PAG1: variants seen among roughly 807,000 people sequenced by gnomAD.
PAG1 encodes phosphoprotein membrane anchor with glycosphingolipid microdomains 1, also known as phosphoprotein associated with glycosphingolipid-enriched microdomains 1.
A neutral mutation model predicts 31.7 loss-of-function variants in PAG1; 23 were observed. The observed-to-expected ratio is 0.73, with a 90% confidence interval of 0.52 to 1.03. The LOEUF (loss-of-function observed/expected upper bound fraction) is 1.03, where lower values mean the gene tolerates loss of function less well. Ranked by LOEUF, PAG1 falls within the 50% of genes least tolerant of loss-of-function variation. The pLI is 0.00. For missense variants in PAG1, 473 were observed against 540.7 expected (o/e 0.87, Z 1.24); for synonymous variants, 214 against 210.3 (o/e 1.02, Z -0.15).
chr8:80,977,385 G>A (rs1226658041), intron 8 of PAG1, among the ~76,000 whole-genome samples: 1 of 152,156 alleles, frequency 6.6e-6, no homozygotes, highest in African/African-American at 2.4e-5. Context: ...AAGTTCTCAG[G>A]CCTCATCCCA....
intron 2 of PAG1, among the ~76,000 whole-genome samples, chr8:81,067,037 C>T (rs1175751389): frequency 1.3e-5 from 2 of 152,134 alleles, no homozygotes; most frequent in Non-Finnish European, 2.9e-5. Context: ...TGGCACGTGC[C>T]TGTATTCCTA....
At chr8:81,063,928 T>C (rs1808961188) in intron 2 of PAG1, among the ~76,000 whole-genome samples, 1 of 152,162 alleles carries the variant, frequency 6.6e-6, no homozygotes. Flanking sequence ...GCAGGATTTA[T>C]AGTAAGTACC....
At chr8:81,104,161 A>G (rs986009723) in intron 1 of PAG1, among the ~76,000 whole-genome samples, 4 of 152,098 alleles carry the variant, frequency 2.6e-5, no homozygotes. Flanking sequence ...AAAAGCCACC[A>G]TTATCTGTGT....
chr8:81,011,962 T>C (rs1475134921), intron 3 of PAG1, among the ~76,000 whole-genome samples: 1 of 152,200 alleles, frequency 6.6e-6, no homozygotes. Context: ...TCCAATCGTC[T>C]GTTGAGGTTT....
intron 6 of PAG1, among the ~76,000 whole-genome samples, chr8:80,986,255 T>G (rs1168079576): frequency 6.6e-6 from 1 of 152,182 alleles, no homozygotes; most frequent in African/African-American, 2.4e-5. Flanking sequence ...AACACCCCTG[T>G]GTGTTCTAAA....
intron 8 of PAG1, among the ~76,000 whole-genome samples, chr8:80,977,716 A>C (rs1759270870): frequency 1.3e-5 from 2 of 152,256 alleles, no homozygotes; most frequent in Non-Finnish European, 2.9e-5. Context: ...ATTAAGAGCC[A>C]GTGGCTTTCC....
At position 80,971,108 on chromosome 8, in the gene PAG1, G is replaced by A. The variant is rs1373294199; in HGVS notation, c.*5436C>T. On this transcript the variant is annotated 3_prime_UTR_variant, in exon 9 of 9. Coordinates refer to ENST00000220597, the MANE Select transcript of PAG1 (RefSeq NM_018440.4). ...AATCACAAAATGTTCAAGCTAATAA[G>A]AGATATTTTTGGTCTTAAAACTAAG... 1.3e-5 allele frequency: 2 copies of A among 152,170 alleles called. No homozygotes were observed. Among genetic ancestry groups the A allele is most frequent in the Non-Finnish European group, 2.9e-5 (2 of 68,028 alleles). 9.4% of individuals were successfully genotyped at this position (152,170 alleles called of 1,614,324 possible). A position where few individuals can be genotyped will look rare whatever the true frequency, so the allele number is the denominator to read the frequency against.
chr8:81,009,212 A>G (rs1807938210), intron 3 of PAG1, among the ~76,000 whole-genome samples: 1 of 152,144 alleles, frequency 6.6e-6, no homozygotes, highest in Admixed American at 6.5e-5. Flanking sequence ...TTTATTTCAT[A>G]TGTTTTAAAA....
At chr8:80,989,520 C>A (rs753108525) in intron 5 of PAG1, among the ~76,000 whole-genome samples, 1 of 152,158 alleles carries the variant, frequency 6.6e-6, no homozygotes, top group African/African-American at 2.4e-5. Context: ...GGTAAGCATG[C>A]GTTCCTGTGT....
chr8:80,986,035 A>G (rs1273064939), intron 6 of PAG1, among the ~76,000 whole-genome samples: 1 of 152,186 alleles, frequency 6.6e-6, no homozygotes, highest in African/African-American at 2.4e-5. Flanking sequence ...CCCTTTGTCA[A>G]CCGTGTTGTG....
chr8:81,105,720 T>C (rs1809683372), intron 1 of PAG1, among the ~76,000 whole-genome samples: 1 of 152,290 alleles, frequency 6.6e-6, no homozygotes, highest in East Asian at 1.9e-4. Context: ...GGTGAAAGGA[T>C]GGCGTAGGGG....
chr8:81,078,861 C>T (rs1296640376), intron 1 of PAG1, among the ~76,000 whole-genome samples: 1 of 152,150 alleles, frequency 6.6e-6, no homozygotes, highest in Non-Finnish European at 1.5e-5. Flanking sequence ...AATAGTATGA[C>T]AGAGTGAGGC....
chr8:80,981,622 G>A (rs1254354024), intron 7 of PAG1, among the ~76,000 whole-genome samples: 4 of 152,094 alleles, frequency 2.6e-5, no homozygotes, highest in African/African-American at 7.2e-5. Flanking sequence ...CAGCCTCTGC[G>A]TTAATCTATT....
At chr8:81,101,527 C>T (rs1809609437) in intron 1 of PAG1, among the ~76,000 whole-genome samples, 2 of 152,074 alleles carry the variant, frequency 1.3e-5, no homozygotes, top group African/African-American at 2.4e-5. Flanking sequence ...TCAATCTGTT[C>T]GTATAAGAGA....
intron 1 of PAG1, among the ~76,000 whole-genome samples, chr8:81,085,916 T>C (rs1809343472): frequency 6.6e-6 from 1 of 151,896 alleles, no homozygotes; most frequent in African/African-American, 2.4e-5. Context: ...GTTTAGGATC[T>C]TTTTCATACA....
At position 81,038,456 on chromosome 8, in the gene PAG1, G is replaced by A. The variant is rs372511748; in HGVS notation, c.-174-8367C>T. Among the ~76,000 whole-genome samples, 13 of 152,258 alleles carry A rather than the reference G, an allele frequency of 8.5e-5. No homozygotes were observed. In the South Asian group the frequency reaches 1.9e-3, roughly 22 times the overall value. On this transcript the variant is annotated intron_variant, in intron 2 of 8. Coordinates refer to ENST00000220597, the MANE Select transcript of PAG1 (RefSeq NM_018440.4). ...GTGGGGTCAAGAGAGAGACATTTAA[G>A]CTCTGGTTATTCGCCTGGCAGCTTC...
intron 1 of PAG1, among the ~76,000 whole-genome samples, chr8:81,081,864 C>A (rs1329032685): frequency 6.6e-6 from 1 of 152,160 alleles, no homozygotes; most frequent in East Asian, 1.9e-4. Context: ...TTGACTATTA[C>A]AAATAAGGTT....
chr8:81,094,180 A>G (rs1353508380), intron 1 of PAG1, among the ~76,000 whole-genome samples: 1 of 152,172 alleles, frequency 6.6e-6, no homozygotes, highest in African/African-American at 2.4e-5. Context: ...CAGGAGGGAC[A>G]TCGTCCTAAA....
At chr8:81,044,908 C>T (rs889644886) in intron 2 of PAG1, among the ~76,000 whole-genome samples, 2 of 152,168 alleles carry the variant, frequency 1.3e-5, no homozygotes, top group Admixed American at 6.5e-5. Flanking sequence ...TTCTGGCACC[C>T]CCCTCCCCAC....
Sources: gnomAD v4.1 joint callset for allele counts (sites outside exome capture counted in the v4.1 genomes callset) on GRCh38, gnomAD v4.1.1 for gene constraint, MANE v1.5 for transcripts, NCBI Gene and HGNC (gene_info 2026-07-23, HGNC 2026-07-21) for gene names.